Variants in TTC3 observed in about 807,000 individuals in gnomAD.
TTC3 encodes the protein tetratricopeptide repeat domain 3.
In TTC3, 180 loss-of-function variants were observed where a neutral mutation model predicts 249.6. That is an observed-to-expected ratio of 0.72 (90% CI 0.64 to 0.82). TTC3 has a LOEUF of 0.82. TTC3 is among the 40% of genes least tolerant of loss of function. The pLI, the probability that TTC3 is intolerant of heterozygous loss-of-function variation, is 0.00. For synonymous variants in TTC3, 717 were observed against 805.0 expected, an observed-to-expected ratio of 0.89 and a Z score of 1.85; for missense variants, 2,061 against 2,398.4, an observed-to-expected ratio of 0.86 and a Z score of 2.94.
chr21:37,191,796 T>G (rs1207234519), intron 40 of TTC3, among the ~76,000 whole-genome samples: 1 of 152,030 alleles, frequency 6.6e-6, no homozygotes, highest in Non-Finnish European at 1.5e-5. Context: ...TCCATGTTGG[T>G]CAGGCTGGTG....
chr21:37,095,137 A>ATGTG (rs57682889), intron 8 of TTC3, among the ~76,000 whole-genome samples: 224 of 147,592 alleles, frequency 1.5e-3, no homozygotes, highest in Admixed American at 7.3e-3. Context: ...CTCTAAAAAT[A>ATGTG]TGTGTGTGTG....
rs1293133464 is a variant in TTC3, at chr21:37,144,249, A to AAT, written c.1773-264_1773-263dup. On this transcript the variant is annotated intron_variant, in intron 20 of 45. Coordinates refer to ENST00000355666, the Ensembl canonical transcript of TTC3. ...CTAGAACTTAAAGTATAATAAAAAA[A>AAT]ATATATATATATAAACAACAAACAA... is the stretch of plus-strand genomic sequence containing the variant. 7.9e-3 allele frequency among the ~76,000 whole-genome samples: 1,190 copies of AAT among 151,044 alleles called. 12 individuals are homozygous for AAT. The highest frequency in any genetic ancestry group is 0.012 in the Non-Finnish European group (845 of 67,886).
chr21:37,136,776 G>A (rs1268249929), intron 18 of TTC3, among the ~76,000 whole-genome samples: 3 of 152,208 alleles, frequency 2.0e-5, no homozygotes, highest in Non-Finnish European at 4.4e-5. Flanking sequence ...ACAACCTTCT[G>A]TTGGAAGAAG....
At chr21:37,154,819 C>T (rs1202266568) in intron 27 of TTC3, among the ~76,000 whole-genome samples, 3 of 152,112 alleles carry the variant, frequency 2.0e-5, no homozygotes, top group Non-Finnish European at 4.4e-5. Context: ...CCTCAGCCTC[C>T]CGAGCAGCTG....
intron 41 of TTC3, among the ~76,000 whole-genome samples, chr21:37,192,814 T>G (rs2084346567): frequency 6.6e-6 from 1 of 152,204 alleles, no homozygotes; most frequent in South Asian, 2.1e-4. Flanking sequence ...TAATCTTGTC[T>G]TTTTATTTTA....
intron 1 of TTC3, chr21:37,082,463 T>C: frequency 2.7e-5 from 27 of 985,048 alleles, no homozygotes; most frequent in South Asian, 4.7e-5. Flanking sequence ...GATGCTTGCT[T>C]TCTGAAAGCA....
At chr21:37,123,100 T>A in intron 13 of TTC3, 72 bp downstream of exon 13, 1 of 1,519,006 alleles carries the variant, frequency 6.6e-7, no homozygotes, top group Non-Finnish European at 9.1e-7. Context: ...GAATCACTTA[T>A]GTTTGACGCT....
chr21:37,144,261 TAA>T (rs2078783277), intron 20 of TTC3, among the ~76,000 whole-genome samples: 3 of 151,514 alleles, frequency 2.0e-5, no homozygotes, highest in African/African-American at 7.3e-5. Context: ...TATATATATA[TAA>T]ACAACAAACA....
chr21:37,122,333 CTAAAGAAAAGACCCT>C (rs1486252908), intron 12 of TTC3, among the ~76,000 whole-genome samples: 3 of 149,508 alleles, frequency 2.0e-5, no homozygotes, highest in Non-Finnish European at 4.4e-5. Flanking sequence ...AAGTTATTTC[CTAAAGAAAAGACCCT>C]TCAGTAGAGC....
chr21:37,151,884 G>A lies in TTC3; in HGVS notation c.2277-9G>A, dbSNP rs1343398095. On this transcript the variant is annotated splice_polypyrimidine_tract_variant and intron_variant, in intron 25 of 45. Coordinates refer to ENST00000355666, the Ensembl canonical transcript of TTC3. Reference sequence around the variant, plus strand: ...CATTGAGTTGTCACTAATTGTAAATGTTTATCAGCCTAGAGAAACTAAGAC... The same window carrying A: ...CATTGAGTTGTCACTAATTGTAAATATTTATCAGCCTAGAGAAACTAAGAC... The A allele has an allele frequency of 6.4e-7, 1 of 1,566,786 alleles. No homozygotes were observed.
intron 32 of TTC3, 92 bp downstream of exon 32, chr21:37,164,307 A>AT (rs2081052081): frequency 8.5e-7 from 1 of 1,174,604 alleles, no homozygotes; most frequent in African/African-American, 1.6e-5. Context: ...GTTTTTAGAG[A>AT]TTTTGCCACA....
intron 10 of TTC3, 145 bp from the exon 11 acceptor site, chr21:37,108,247 A>G (rs375232200): frequency 1.6e-6 from 1 of 634,736 alleles, no homozygotes; most frequent in East Asian, 3.0e-5. Flanking sequence ...CCTATAATGG[A>G]CATATATTAT....
chr21:37,079,517 G>GTTTTTTTTTTTTTTTT (rs60361476), intron 1 of TTC3, among the ~76,000 whole-genome samples: 3 of 91,178 alleles, frequency 3.3e-5, no homozygotes, highest in African/African-American at 9.6e-5. Context: ...TTATGGTATG[G>GTTTTTTTTTTTTTTTT]TTTTTTTTTT....
chr21:37,198,525 T>C (rs934452427), intron 44 of TTC3, among the ~76,000 whole-genome samples: 1 of 152,358 alleles, frequency 6.6e-6, no homozygotes, highest in South Asian at 2.1e-4. Flanking sequence ...GATGGATGTT[T>C]GTAGTAACGA....
chr21:37,085,023 T>C (rs1033273878), intron 1 of TTC3, among the ~76,000 whole-genome samples: 3 of 140,938 alleles, frequency 2.1e-5, no homozygotes, highest in African/African-American at 7.5e-5. Context: ...CAAAACAAAA[T>C]AGAAAATAAA....
At chr21:37,079,626 A>G (rs8131246) in intron 1 of TTC3, among the ~76,000 whole-genome samples, 98,329 of 147,182 alleles carry the variant, frequency 0.67, 32,683 homozygotes, top group Admixed American at 0.71. Context: ...CTGCCTCCTG[A>G]GTTCAAGCGA....
At chr21:37,073,894 C>G (rs1461236495) in intron 1 of TTC3, among the ~76,000 whole-genome samples, 1 of 152,256 alleles carries the variant, frequency 6.6e-6, no homozygotes, top group Non-Finnish European at 1.5e-5. Flanking sequence ...ATTGCGACCC[C>G]CGCCTAGAGC....
In TTC3 at chr21:37,150,138, A is replaced by G. The variant is rs965698889; in HGVS notation, c.2179A>G (p.Ile727Val). The stretch of plus-strand genomic sequence containing the variant: ...TGAAGGTGTCATTTCTAAGATTATC[A>G]TCTTCAGCAGTGGTGGTGAAGTTAA... Residue 727 changes from isoleucine to valine, a missense_variant, in exon 24 of 46, where the codon ATC becomes GTC. By Grantham distance (29) the Ile-to-Val change is conservative (BLOSUM62 3). Coordinates refer to ENST00000355666, the Ensembl canonical transcript of TTC3. 4.3e-6 allele frequency: 7 copies of G among 1,613,156 alleles called. No homozygotes were observed. The Admixed American group carries it at 8.3e-5, about 19-fold the overall frequency.
chr21:37,140,453 A>T, intron 19 of TTC3, 108 bp from the exon 20 acceptor site: 1 of 695,698 alleles, frequency 1.4e-6, no homozygotes, highest in South Asian at 2.4e-5. Flanking sequence ...GAATTTGGGG[A>T]TATGCAGTTG....
Sources: allele counts gnomAD v4.1 joint callset (sites outside exome capture counted in the v4.1 genomes callset), GRCh38; gene constraint gnomAD v4.1.1; transcripts MANE v1.5; gene names NCBI Gene and HGNC (gene_info 2026-07-23, HGNC 2026-07-21).